Variants in L3MBTL1 observed in about 807,000 individuals in gnomAD.
L3MBTL1 encodes the protein L3MBTL histone methyl-lysine binding protein 1.
L3MBTL1 carries 75 observed loss-of-function variants against 105.3 expected under a neutral mutation model. The ratio of observed to expected loss-of-function variants is 0.71; its 90% confidence interval spans 0.59 to 0.86. The LOEUF is 0.86. Among genes scored for constraint, L3MBTL1 ranks in the 40% least tolerant of loss-of-function variants. The pLI, the probability that L3MBTL1 is intolerant of heterozygous loss-of-function variation, is 0.00. For missense variants in L3MBTL1, 1,069 were observed against 1,126.4 expected, an observed-to-expected ratio of 0.95 and a Z score of 0.73; for synonymous variants, 452 against 436.2, an observed-to-expected ratio of 1.04 and a Z score of -0.45.
chr20:43,540,444 A>G, intron 20 of L3MBTL1, 136 bp downstream of exon 20: 2 of 1,009,202 alleles, frequency 2.0e-6, no homozygotes, highest in Non-Finnish European at 2.9e-6. Context: ...TCCTGTGCAC[A>G]GTCCCTTCTA....
downstream of L3MBTL1, among the ~76,000 whole-genome samples, chr20:43,545,516 C>T (rs1309475995): frequency 2.0e-5 from 3 of 152,146 alleles, no homozygotes; most frequent in Admixed American, 6.5e-5. Flanking sequence ...CACTTGGCAT[C>T]CCCCTCACAG....
chr20:43,524,961 T>C (rs1427267110), intron 7 of L3MBTL1, among the ~76,000 whole-genome samples: 3 of 152,134 alleles, frequency 2.0e-5, no homozygotes, highest in Non-Finnish European at 4.4e-5. Flanking sequence ...TCATTTGATA[T>C]GTATTCTGGC....
chr20:43,522,773 A>G (rs2018799304), intron 7 of L3MBTL1, among the ~76,000 whole-genome samples: 1 of 140,944 alleles, frequency 7.1e-6, no homozygotes, highest in Non-Finnish European at 1.5e-5. Context: ...TGCCCGGCCA[A>G]CGGTGTCTTT....
At chr20:43,516,978 T>A (rs997140836) in intron 7 of L3MBTL1, among the ~76,000 whole-genome samples, 1 of 152,010 alleles carries the variant, frequency 6.6e-6, no homozygotes, top group African/African-American at 2.4e-5. Context: ...ATTTTTGTTA[T>A]AGAGATGGGG....
At chr20:43,546,022 C>G (rs1255529682), downstream of L3MBTL1, among the ~76,000 whole-genome samples, 1 of 152,246 alleles carries the variant, frequency 6.6e-6, no homozygotes, top group Non-Finnish European at 1.5e-5. Flanking sequence ...GTCAGGTAAG[C>G]AGCCCCCTGG....
rs745376971 is a variant in L3MBTL1, at chr20:43,529,318, G to A, written c.1006G>A (p.Gly336Ser). 3.1e-6 allele frequency: 5 copies of A among 1,613,476 alleles called. No homozygotes were observed. The highest frequency in any genetic ancestry group is 1.7e-5 in the Admixed American group (1 of 59,978). The change falls in exon 9 of 22, where the codon GGC (glycine) becomes AGC (serine). Residue 336 changes from glycine to serine, a missense_variant. Gly to Ser is a moderately conservative substitution (Grantham distance 56, BLOSUM62 0). Transcript: ENST00000418998. ...NGFKLGMKLEGIDPQHPSMYF... is the reference protein window; with the variant it reads ...NGFKLGMKLESIDPQHPSMYF... The stretch of plus-strand genomic sequence containing the variant: ...CTTCAAACTGGGCATGAAGTTGGAA[G>A]GCATTGACCCTCAACACCCGTCCAT...
At chr20:43,532,637 A>G in intron 11 of L3MBTL1, 136 bp from the exon 12 acceptor site, 2 of 953,382 alleles carry the variant, frequency 2.1e-6, no homozygotes, top group Non-Finnish European at 3.1e-6. Context: ...CCTCTTTCCC[A>G]GCTTATTTCT....
chr20:43,509,861 CTATT>C (rs951060871), intron 1 of L3MBTL1, among the ~76,000 whole-genome samples: 13 of 152,062 alleles, frequency 8.5e-5, no homozygotes, highest in Non-Finnish European at 1.5e-4. Flanking sequence ...AAGATTAACT[CTATT>C]TATTTATTTA....
At chr20:43,530,474 T>G in intron 10 of L3MBTL1, 55 bp downstream of exon 10, 1 of 1,570,016 alleles carries the variant, frequency 6.4e-7, no homozygotes, top group Non-Finnish European at 8.6e-7. Context: ...GACCCTTCGC[T>G]TCTTCCCCTT....
At chr20:43,517,493 C>T (rs1408855586) in intron 7 of L3MBTL1, among the ~76,000 whole-genome samples, 1 of 152,162 alleles carries the variant, frequency 6.6e-6, no homozygotes, top group African/African-American at 2.4e-5. Context: ...GCCTGGGACT[C>T]CTGGGCTCAA....
In L3MBTL1 at chr20:43,534,533, A is replaced by C; in HGVS notation, c.1710+139A>C. The C allele has an allele frequency of 2.1e-5, 15 of 711,806 alleles. No individual in the cohort carries two copies. In the South Asian group the frequency reaches 2.7e-4, roughly 13 times the overall value. The allele number at this position is 711,806 out of a possible 1,614,324, so 44.1% of individuals were successfully genotyped here. On this transcript the variant is annotated intron_variant, in intron 15 of 21. Transcript: ENST00000418998. ...GAATCTCATTCTTGCCTCATCTGTG[A>C]CTTATTTTTGTGGGCTTGGACAAGT...
intron 7 of L3MBTL1, among the ~76,000 whole-genome samples, chr20:43,520,613 T>C (rs151277268): frequency 1.3e-5 from 2 of 152,364 alleles, no homozygotes; most frequent in African/African-American, 4.8e-5. Context: ...TGGTATCTCA[T>C]TGTGGTTTTG....
Position 43,515,109 on chromosome 20 carries a change from T to A in L3MBTL1, c.603T>A (p.Gly201=). The change falls in exon 5 of 22, where the codon GGT becomes GGA. Residue 201 remains glycine, a synonymous_variant. Transcript: ENST00000418998. ...CQACGPHQAA[G]PDLGSSNDGC... is the part of the protein sequence containing the mutation. ...CGTGCGGGCCTCACCAAGCCGCGGG[T>A]CCAGATCTTGGTTCCTCTAATGATG... 1 of 1,614,096 alleles carries A rather than the reference T, an allele frequency of 6.2e-7. No homozygotes were observed. The highest frequency in any genetic ancestry group is 2.2e-5 in the East Asian group (1 of 44,876).
At chr20:43,535,652 G>A (rs1313805380) in intron 16 of L3MBTL1, among the ~76,000 whole-genome samples, 185 bp from the exon 17 acceptor site, 1 of 152,152 alleles carries the variant, frequency 6.6e-6, no homozygotes, top group African/African-American at 2.4e-5. Flanking sequence ...TGAGAGCTAA[G>A]CCCTCCTTAC....
intron 7 of L3MBTL1, among the ~76,000 whole-genome samples, chr20:43,518,921 G>T (rs2018555609): frequency 6.6e-6 from 1 of 151,242 alleles, no homozygotes; most frequent in African/African-American, 2.4e-5. Context: ...AGCTACTCGG[G>T]AGGCTGAGGC....
At chr20:43,547,987 C>T in intron 18 of L3MBTL1, 1 of 444,314 alleles carries the variant, frequency 2.3e-6, no homozygotes, top group Non-Finnish European at 3.7e-6. Flanking sequence ...TCCCTTTCTC[C>T]CGCATATCCT....
rs1352384048 is a variant in L3MBTL1, at chr20:43,540,942, A to G, written c.2403A>G (p.Ile801Met). 3 of 1,613,998 alleles carry G rather than the reference A, an allele frequency of 1.9e-6. No individual in the cohort carries two copies. Among genetic ancestry groups the G allele is most frequent in the Non-Finnish European group, 2.5e-6 (3 of 1,179,986 alleles). The change falls in exon 22 of 22, where the codon ATA becomes ATG. Residue 801 changes from isoleucine (I) to methionine (M), a missense_variant. Transcript: ENST00000418998. ...QARLFKDEAR[I>M]VRVTHVSGKT... The stretch of plus-strand genomic sequence containing the variant: ...CCGTGTTGCCCCACCAGGCAAGAAT[A>G]GTCAGAGTGACCCATGTATCTGGGA...
chr20:43,538,223 T>A (rs1027787213), intron 19 of L3MBTL1, among the ~76,000 whole-genome samples: 3 of 152,188 alleles, frequency 2.0e-5, no homozygotes, highest in African/African-American at 4.8e-5. Context: ...TACCCATCTG[T>A]GGTACCCATG....
At chr20:43,521,542 T>C (rs1032687015) in intron 7 of L3MBTL1, among the ~76,000 whole-genome samples, 1 of 152,086 alleles carries the variant, frequency 6.6e-6, no homozygotes, top group African/African-American at 2.4e-5. Context: ...GAATGGGTGG[T>C]TGGGAGCACG....
Sources: gnomAD v4.1 joint callset for allele counts (sites outside exome capture counted in the v4.1 genomes callset) on GRCh38, gnomAD v4.1.1 for gene constraint, MANE v1.5 for transcripts, NCBI Gene and HGNC (gene_info 2026-07-23, HGNC 2026-07-21) for gene names.